The following HDAC4 variants were observed in gnomAD, a reference collection of about 807,000 sequenced individuals.
HDAC4 encodes histone deacetylase A.
HDAC4 carries 16 observed loss-of-function variants against 135.1 expected under a neutral mutation model. The observed-to-expected ratio is 0.12, with a 90% CI of 0.08 to 0.18. The LOEUF (loss-of-function observed/expected upper bound fraction) is 0.18, where lower values mean the gene tolerates loss of function less well. HDAC4 is among the 10% of genes least tolerant of loss of function. The pLI is 1.00. For missense variants in HDAC4, 1,143 were observed against 1,511.8 expected (o/e 0.76, Z 4.05); for synonymous variants, 685 against 653.4 (o/e 1.05, Z -0.74).
intron 21 of HDAC4, among the ~76,000 whole-genome samples, chr2:239,081,499 G>C (rs562215497): frequency 6.6e-4 from 100 of 152,374 alleles, no homozygotes; most frequent in Non-Finnish European, 1.2e-3. Flanking sequence ...GTTGTGTGCC[G>C]TGTGTTACAT....
intron 2 of HDAC4, among the ~76,000 whole-genome samples, chr2:239,265,897 G>A (rs756505102): frequency 1.3e-5 from 2 of 152,214 alleles, no homozygotes; most frequent in African/African-American, 2.4e-5. Flanking sequence ...GCAGTGCCCC[G>A]ATCAGGCTGG....
chr2:239,163,141 C>T (rs534753265), intron 6 of HDAC4, among the ~76,000 whole-genome samples: 2 of 152,092 alleles, frequency 1.3e-5, no homozygotes, highest in African/African-American at 2.4e-5. Flanking sequence ...AGTCCTCAGA[C>T]GAACAAGCCT....
chr2:239,352,048 G>A lies in HDAC4; in HGVS notation c.22+630C>T, dbSNP rs549794286. 3.9e-5 allele frequency among the ~76,000 whole-genome samples: 6 copies of A among 152,316 alleles called. No individual in the cohort carries two copies. The highest frequency in any genetic ancestry group is 2.6e-4 in the Admixed American group (4 of 15,300). On this transcript the variant is annotated intron_variant, in intron 2 of 26. Coordinates refer to ENST00000543185, the MANE Select transcript of HDAC4 (RefSeq NM_001378414.1). The surrounding 1 kb of genome is among the most constrained non-coding windows in gnomAD (Gnocchi z 4.4). The stretch of plus-strand genomic sequence containing the variant: ...TGAAGTCGTAAATGGATGGGCCCAT[G>A]ACATGCTTCTGAAGCTCAGAGCAGG...
At chr2:239,280,501 C>T (rs565679656) in intron 2 of HDAC4, among the ~76,000 whole-genome samples, 29 of 152,166 alleles carry the variant, frequency 1.9e-4, no homozygotes, top group Non-Finnish European at 3.2e-4. Context: ...GCAGGTGACC[C>T]GGGCACTGCA....
At chr2:239,356,340 C>G (rs940318824) in intron 1 of HDAC4, among the ~76,000 whole-genome samples, 3 of 152,100 alleles carry the variant, frequency 2.0e-5, no homozygotes, top group Admixed American at 6.5e-5. Flanking sequence ...TCTCAACACC[C>G]CATTTAAAGG....
chr2:239,330,529 A>G (rs370376015), intron 2 of HDAC4, among the ~76,000 whole-genome samples: 36 of 152,354 alleles, frequency 2.4e-4, no homozygotes, highest in African/African-American at 8.4e-4. Context: ...CTTCTCCACC[A>G]ACACTGAACA....
In HDAC4 at chr2:239,240,475, G is replaced by A. The variant is rs909943831; in HGVS notation, c.23-3811C>T. Among the ~76,000 whole-genome samples the A allele has an allele frequency of 6.6e-6, 1 of 152,226 alleles. No homozygotes were observed. The highest frequency in any genetic ancestry group is 1.5e-5 in the Non-Finnish European group (1 of 68,044). On this transcript the variant is annotated intron_variant, in intron 2 of 26. Transcript: ENST00000543185. This position sits in a 1 kb window ranked among gnomAD's most constrained non-coding sequence, Gnocchi z 4.5. ...AAATTTCTCAGGCTGAGGAGAAAGC[G>A]GTGCTAAGAACCCAGCGTTTACAAG...
chr2:239,218,570 T>C (rs1412924644), intron 3 of HDAC4, among the ~76,000 whole-genome samples: 4 of 150,934 alleles, frequency 2.7e-5, no homozygotes, highest in African/African-American at 7.3e-5. Flanking sequence ...AAGGACTTCA[T>C]GTCTAAAACA....
In HDAC4 at chr2:239,331,045, G is replaced by A. The variant is rs543521132; in HGVS notation, c.22+21633C>T. 4.0e-5 allele frequency among the ~76,000 whole-genome samples: 6 copies of A among 151,854 alleles called. No homozygotes were observed. In the South Asian group the frequency reaches 1.0e-3, roughly 26 times the overall value. Reference sequence around the variant, plus strand: ...GCCTGACCTTGGCTGCCCGAAATTCGGAGTGGGGAGGAAGGCAGATATGCC... The same window carrying A: ...GCCTGACCTTGGCTGCCCGAAATTCAGAGTGGGGAGGAAGGCAGATATGCC... On this transcript the variant is annotated intron_variant, in intron 2 of 26. Coordinates refer to ENST00000543185, the MANE Select transcript of HDAC4 (RefSeq NM_001378414.1). The surrounding 1 kb of genome is among the most constrained non-coding windows in gnomAD (Gnocchi z 4.5).
chr2:239,322,657 T>C (rs28626603), intron 2 of HDAC4, among the ~76,000 whole-genome samples: 4,870 of 152,286 alleles, frequency 0.032, 273 homozygotes, highest in African/African-American at 0.11. Flanking sequence ...CAGCCTGGCA[T>C]GTAGCAGATG....
At chr2:239,353,003 G>T in intron 1 of HDAC4, 85 bp from the exon 2 acceptor site, 1 of 416,840 alleles carries the variant, frequency 2.4e-6, no homozygotes, top group East Asian at 4.7e-5. Context: ...GGGAAATGAT[G>T]ACTTCCTCTT....
At chr2:239,160,373 GGCTTGTGGCAGCCACACTGGAAGGT>G (rs1415972000) in intron 6 of HDAC4, among the ~76,000 whole-genome samples, 13 of 152,204 alleles carry the variant, frequency 8.5e-5, no homozygotes, top group Non-Finnish European at 1.3e-4. Flanking sequence ...AGCCACGTGT[GGCTTGTGGCAGCCACACTGGAAGGT>G]GCCATCTTGT....
chr2:239,053,654 C>T, intron 25 of HDAC4, 53 bp from the exon 26 acceptor site: 2 of 1,561,552 alleles, frequency 1.3e-6, no homozygotes. Context: ...TAGCAGGATG[C>T]ACTGAGGCCC....
intron 22 of HDAC4, among the ~76,000 whole-genome samples, chr2:239,076,498 C>A (rs1263931107): frequency 6.6e-6 from 1 of 151,998 alleles, no homozygotes; most frequent in South Asian, 2.1e-4. Flanking sequence ...GTTCATTCCC[C>A]TAGTAGGACC....
At chr2:239,317,701 T>C (rs2125741358) in intron 2 of HDAC4, among the ~76,000 whole-genome samples, 1 of 152,340 alleles carries the variant, frequency 6.6e-6, no homozygotes, top group South Asian at 2.1e-4. Flanking sequence ...GAAAGCTCTT[T>C]ACAGGAGAAA....
At chr2:239,153,463 C>T (rs2042235660) in intron 7 of HDAC4, among the ~76,000 whole-genome samples, 2 of 152,178 alleles carry the variant, frequency 1.3e-5, no homozygotes, top group South Asian at 4.1e-4. Flanking sequence ...CAGAAAAGCA[C>T]AGATATAACT....
At chr2:239,168,765 G>A (rs1050448585) in intron 5 of HDAC4, among the ~76,000 whole-genome samples, 23 of 152,212 alleles carry the variant, frequency 1.5e-4, no homozygotes, top group African/African-American at 4.8e-4. Flanking sequence ...AGGGGCCTGC[G>A]GCCCTGCGTC....
intron 2 of HDAC4, among the ~76,000 whole-genome samples, chr2:239,333,032 C>G (rs1691691252): frequency 6.6e-6 from 1 of 152,078 alleles, no homozygotes; most frequent in Non-Finnish European, 1.5e-5. Context: ...AAAATCTAAA[C>G]AGTCCTATAT....
intron 1 of HDAC4, among the ~76,000 whole-genome samples, chr2:239,363,446 A>G (rs2125975801): frequency 6.6e-6 from 1 of 152,350 alleles, no homozygotes; most frequent in South Asian, 2.1e-4. Context: ...AGACCAACAC[A>G]GAGTCATCTG....
Sources: gnomAD v4.1 joint callset for allele counts (sites outside exome capture counted in the v4.1 genomes callset) on GRCh38, gnomAD v4.1.1 for gene constraint, Gnocchi (gnomAD v3.1) non-coding constraint, MANE v1.5 for transcripts, NCBI Gene and HGNC (gene_info 2026-07-23, HGNC 2026-07-21) for gene names.